RAP1GAP2: variants seen among roughly 807,000 people sequenced by gnomAD.
The protein encoded by RAP1GAP2 is RAP1 GTPase activating protein 2.
In RAP1GAP2, 27 loss-of-function variants were observed where a neutral mutation model predicts 95.0. The ratio of observed to expected loss-of-function variants is 0.28; its 90% CI spans 0.21 to 0.39. The LOEUF (loss-of-function observed/expected upper bound fraction) is 0.39. Ranked by LOEUF, RAP1GAP2 falls within the 10% of genes least tolerant of loss-of-function variation. The pLI, the probability that RAP1GAP2 is intolerant of heterozygous loss-of-function variation, is 1.00. For missense variants in RAP1GAP2, 771 were observed against 970.0 expected, an observed-to-expected ratio of 0.79 and a Z score of 2.72; for synonymous variants, 373 against 380.9, an observed-to-expected ratio of 0.98 and a Z score of 0.24.
At chr17:2,937,944 T>G (rs984410795) in intron 3 of RAP1GAP2, among the ~76,000 whole-genome samples, 3 of 152,130 alleles carry the variant, frequency 2.0e-5, no homozygotes, top group African/African-American at 4.8e-5. Context: ...TGTTCTCCCT[T>G]GGAAGACTGT....
chr17:3,032,465 G>T lies in RAP1GAP2; in HGVS notation c.*30+16G>T, dbSNP rs528236519. The T allele has an allele frequency of 3.7e-6, 6 of 1,611,496 alleles. No homozygotes were observed. The South Asian group carries it at 5.5e-5, about 15-fold the overall frequency. ...CCTGTCCAAGGTGGGTTGAGTGAAT[G>T]TCCTGCTGTGGCCGTGAGGGGGGAC... On this transcript the variant is annotated intron_variant, in intron 24 of 24. Transcript: ENST00000254695.
intron 2 of RAP1GAP2, among the ~76,000 whole-genome samples, chr17:2,849,804 A>G (rs1303897065): frequency 6.6e-6 from 1 of 150,552 alleles, no homozygotes; most frequent in Non-Finnish European, 1.5e-5. Context: ...GCCGTCAGAG[A>G]CTTCTGCCGT....
chr17:2,891,242 G>A (rs2073704208), intron 2 of RAP1GAP2, among the ~76,000 whole-genome samples: 1 of 151,748 alleles, frequency 6.6e-6, no homozygotes, highest in Non-Finnish European at 1.5e-5. Context: ...TGACCTCCAG[G>A]GTTCAAGCGA....
At chr17:2,946,221 A>G (rs370199000) in intron 3 of RAP1GAP2, among the ~76,000 whole-genome samples, 1 of 152,224 alleles carries the variant, frequency 6.6e-6, no homozygotes, top group East Asian at 1.9e-4. Context: ...GACTCTATCC[A>G]TAAAGATACT....
intron 2 of RAP1GAP2, among the ~76,000 whole-genome samples, chr17:2,847,202 T>A (rs1479311674): frequency 1.3e-5 from 2 of 151,894 alleles, no homozygotes; most frequent in Non-Finnish European, 2.9e-5. Context: ...AGAGACGGGG[T>A]TTCACCATGT....
intron 3 of RAP1GAP2, among the ~76,000 whole-genome samples, chr17:2,947,862 C>T (rs1433419279): frequency 1.3e-5 from 2 of 152,176 alleles, no homozygotes; most frequent in Non-Finnish European, 2.9e-5. Flanking sequence ...CATGTCTTCC[C>T]TCTTCATCCG....
intron 14 of RAP1GAP2, among the ~76,000 whole-genome samples, chr17:3,002,724 C>T (rs552544726): frequency 6.6e-6 from 1 of 152,272 alleles, no homozygotes; most frequent in East Asian, 1.9e-4. Context: ...CCTCTTCTGT[C>T]CACGGAGGGG....
At chr17:2,884,842 A>C (rs1232814064) in intron 2 of RAP1GAP2, among the ~76,000 whole-genome samples, 2 of 152,156 alleles carry the variant, frequency 1.3e-5, no homozygotes, top group Non-Finnish European at 1.5e-5. Flanking sequence ...GGAAGTAATC[A>C]TACGCGTCAC....
intron 18 of RAP1GAP2, among the ~76,000 whole-genome samples, chr17:3,019,486 C>A (rs143625015): frequency 0.016 from 2,483 of 152,266 alleles, 32 homozygotes; most frequent in Non-Finnish European, 0.025. Flanking sequence ...TGCACTCCAG[C>A]CTGGATGTCA....
chr17:2,757,461 G>T (rs922841720), intron 1 of RAP1GAP2, among the ~76,000 whole-genome samples: 8 of 152,222 alleles, frequency 5.3e-5, no homozygotes, highest in African/African-American at 1.7e-4. Context: ...GGGGAGGTGG[G>T]CAGTTAGTGT....
At chr17:2,858,242 CATGGAGTTT>C (rs1386561201) in intron 2 of RAP1GAP2, among the ~76,000 whole-genome samples, 1 of 152,162 alleles carries the variant, frequency 6.6e-6, no homozygotes, top group Admixed American at 6.5e-5. Flanking sequence ...CAGCTCCCAT[CATGGAGTTT>C]ATGAGGAGGA....
intron 17 of RAP1GAP2, 134 bp from the exon 18 acceptor site, chr17:3,017,927 G>GTA: frequency 1.3e-6 from 1 of 768,060 alleles, no homozygotes; most frequent in Non-Finnish European, 2.0e-6. Context: ...GTGTGTGTGT[G>GTA]TGTGTGTGTG....
chr17:2,930,892 G>T (rs1381990214), intron 3 of RAP1GAP2, among the ~76,000 whole-genome samples: 1 of 152,200 alleles, frequency 6.6e-6, no homozygotes, highest in Admixed American at 6.5e-5. Context: ...GGGAGGCCGA[G>T]GCGGGCAGAT....
chr17:2,887,655 G>A (rs908611502), intron 2 of RAP1GAP2, among the ~76,000 whole-genome samples: 4 of 150,896 alleles, frequency 2.7e-5, no homozygotes, highest in Admixed American at 2.0e-4. Context: ...GATTACAGGC[G>A]TGAGCCACCG....
At chr17:2,810,372 T>A (rs999463396) in intron 2 of RAP1GAP2, among the ~76,000 whole-genome samples, 17 of 151,782 alleles carry the variant, frequency 1.1e-4, no homozygotes, top group Non-Finnish European at 1.9e-4. Context: ...TTTTTTTTTT[T>A]AATTATACTT....
At chr17:2,804,067 C>T (rs2027998) in intron 2 of RAP1GAP2, among the ~76,000 whole-genome samples, 65,302 of 151,990 alleles carry the variant, frequency 0.43, 14,358 homozygotes, top group South Asian at 0.51. Context: ...GCTCCTGAGT[C>T]ACCAAGATGC....
chr17:2,986,165 G>A (rs1209737957), intron 11 of RAP1GAP2, among the ~76,000 whole-genome samples: 1 of 152,080 alleles, frequency 6.6e-6, no homozygotes, highest in African/African-American at 2.4e-5. Context: ...TTGGTTAGAC[G>A]ACACCTGATG....
chr17:2,876,230 C>A (rs1186277811), intron 2 of RAP1GAP2, among the ~76,000 whole-genome samples: 1 of 152,144 alleles, frequency 6.6e-6, no homozygotes. Context: ...AGCCACCGCG[C>A]CTGGCTACAT....
intron 3 of RAP1GAP2, among the ~76,000 whole-genome samples, chr17:2,920,003 CTTTTTTCT>C (rs2042700675): frequency 7.5e-6 from 1 of 133,984 alleles, no homozygotes; most frequent in Non-Finnish European, 1.5e-5. Context: ...ATCTGGCCTC[CTTTTTTCT>C]TTTTTTTTTT....
Sources: gnomAD v4.1 joint callset for allele counts (sites outside exome capture counted in the v4.1 genomes callset) on GRCh38, gnomAD v4.1.1 for gene constraint, MANE v1.5 for transcripts, NCBI Gene and HGNC (gene_info 2026-07-23, HGNC 2026-07-21) for gene names.